PARS2: variants seen among roughly 807,000 people sequenced by gnomAD.
PARS2 encodes probable proline--tRNA ligase, mitochondrial.
Under a neutral mutation model 27.4 loss-of-function variants are expected in PARS2, and 20 were observed. The observed-to-expected ratio is 0.73, with a 90% confidence interval of 0.51 to 1.06. PARS2 has a LOEUF of 1.06. PARS2 is among the 50% of genes least tolerant of loss of function. The pLI, the probability that PARS2 is intolerant of heterozygous loss-of-function variation, is 0.00. For missense variants in PARS2, 585 were observed against 602.1 expected (o/e 0.97, Z 0.30); for synonymous variants, 240 against 247.1 (o/e 0.97, Z 0.27).
In PARS2 at chr1:54,759,118, G is replaced by A. The variant is rs1301002317; in HGVS notation, c.44C>T (p.Ala15Val). The A allele has an allele frequency of 6.2e-7, 1 of 1,610,034 alleles. No individual in the cohort carries two copies. Among genetic ancestry groups the A allele is most frequent in the Non-Finnish European group, 8.5e-7 (1 of 1,177,066 alleles). Residue 15 changes from alanine (A) to valine (V), a missense_variant, in exon 2 of 2, where the codon GCC becomes GTC. Transcript: ENST00000371279. Reference sequence around the variant, plus strand: ...CCCAGAGAGCTGGCGGCTGCAGGTGGCCAGGGCGGGCAATGCTCTGCATCT... The same window carrying A: ...CCCAGAGAGCTGGCGGCTGCAGGTGACCAGGGCGGGCAATGCTCTGCATCT... ...LTRCRALPAL[A>V]TCSRQLSGYV... is the part of the protein sequence containing the mutation.
chr1:54,764,439 G>A (rs1646174561), intron 1 of PARS2, 22 bp downstream of exon 1: 1 of 152,276 alleles, frequency 6.6e-6, no homozygotes, highest in African/African-American at 2.4e-5. Context: ...CTCAGGTCTG[G>A]GAGTCACCCA....
rs765151805 is a variant in PARS2 at position 54,758,990 on chromosome 1, A to G, written c.172T>C (p.Ser58Pro). Residue 58 changes from serine (S) to proline (P), a missense_variant, in exon 2 of 2, where the codon TCC becomes CCC. By Grantham distance (74) the Ser-to-Pro change is moderately conservative. Coordinates refer to ENST00000371279, the MANE Select transcript of PARS2 (RefSeq NM_152268.4). ...AGGTCATCAGATTTGTCCTGCAGGG[A>G]GAGCACCCGGTCTTCCCGAAGGTTC... is the stretch of plus-strand genomic sequence containing the variant. Reference protein sequence around the residue: ...PQNLREDRVLSLQDKSDDLTC... With the variant: ...PQNLREDRVLPLQDKSDDLTC... The G allele has an allele frequency of 6.2e-7, 1 of 1,614,168 alleles. No individual in the cohort carries two copies. The highest frequency in any genetic ancestry group is 1.1e-5 in the South Asian group (1 of 91,080).
chr1:54,759,606 T>C (rs1646142603), intron 1 of PARS2, among the ~76,000 whole-genome samples: 1 of 152,172 alleles, frequency 6.6e-6, no homozygotes, highest in Non-Finnish European at 1.5e-5. Flanking sequence ...TGTGGACACT[T>C]AGAAGAGTTA....
At chr1:54,759,390 C>T (rs1338255996) in intron 1 of PARS2, among the ~76,000 whole-genome samples, 200 bp from the exon 2 acceptor site, 1 of 152,194 alleles carries the variant, frequency 6.6e-6, no homozygotes, top group African/African-American at 2.4e-5. Flanking sequence ...TCAATATTTT[C>T]CTGATTATAA....
At position 54,757,925 on chromosome 1, in the gene PARS2, T is replaced by G; in HGVS notation, c.1237A>C (p.Arg413=). The G allele has an allele frequency of 6.2e-7, 1 of 1,614,184 alleles. No individual in the cohort carries two copies. The highest frequency in any genetic ancestry group is 1.6e-4 in the Middle Eastern group (1 of 6,062). The stretch of plus-strand genomic sequence containing the variant: ...CTGTTTCCGATGGTCAGATGGGTCC[T>G]GTCGTCCAGGAGCACCTCCCCGTGA... ...QLHGEVLLDD[R]THLTIGNRLK... is the part of the protein sequence containing the mutation. Residue 413 remains arginine (R), a synonymous_variant, in exon 2 of 2, where the codon AGG becomes CGG. Coordinates refer to ENST00000371279, the MANE Select transcript of PARS2 (RefSeq NM_152268.4).
In PARS2 at chr1:54,757,839, C is replaced by T. The variant is rs1557762189; in HGVS notation, c.1323G>A (p.Leu441=). Residue 441 remains leucine, a synonymous_variant, in exon 2 of 2, where the codon CTG becomes CTA. Transcript: ENST00000371279. ...PFVIIAGKRA[L]EDPAHFEVWC... is the part of the protein sequence containing the mutation. ...AAACCTCAAAATGTGCAGGGTCCTC[C>T]AGGGCCCTCTTGCCAGCGATTATCA... 6.2e-7 allele frequency: 1 copy of T among 1,614,132 alleles called. No homozygotes were observed. Among genetic ancestry groups the T allele is most frequent in the Non-Finnish European group, 8.5e-7 (1 of 1,179,962 alleles).
intron 1 of PARS2, among the ~76,000 whole-genome samples, chr1:54,760,842 G>A (rs946196989): frequency 4.6e-5 from 7 of 151,916 alleles, no homozygotes; most frequent in African/African-American, 1.4e-4. Flanking sequence ...GTAGTGGCGC[G>A]ATCTGGGCTC....
Position 54,759,133 on chromosome 1 carries a change from G to A in PARS2, c.29C>T (p.Ala10Val). 6 of 1,600,702 alleles carry A rather than the reference G, an allele frequency of 3.7e-6. No homozygotes were observed. Among genetic ancestry groups the A allele is most frequent in the Non-Finnish European group, 5.1e-6 (6 of 1,170,388 alleles). The change falls in exon 2 of 2, where the codon GCA becomes GTA. Residue 10 changes from alanine (A) to valine (V), a missense_variant. Transcript: ENST00000371279. MEGLLTRCR[A>V]LPALATCSRQ... ...GCTGCAGGTGGCCAGGGCGGGCAAT[G>A]CTCTGCATCTTGTCAGCAGCCCTTC...
intron 1 of PARS2, among the ~76,000 whole-genome samples, chr1:54,761,510 A>C (rs1379500168): frequency 6.6e-6 from 1 of 152,250 alleles, no homozygotes; most frequent in Non-Finnish European, 1.5e-5. Context: ...CAATGAAGAG[A>C]AGGCTTTTTT....
chr1:54,761,418 T>G (rs111325064), intron 1 of PARS2, among the ~76,000 whole-genome samples: 2,802 of 152,344 alleles, frequency 0.018, 41 homozygotes, highest in Non-Finnish European at 0.029. Flanking sequence ...TACAAAATAA[T>G]CACACATTTC....
chr1:54,758,227 T>C lies in PARS2; in HGVS notation c.935A>G (p.Tyr312Cys). Reference protein sequence around the residue: ...TKGIEVGHTFYLGTKYSSIFN... With the variant: ...TKGIEVGHTFCLGTKYSSIFN... Reference sequence around the variant, plus strand: ...AATGGATGAGTACTTGGTACCCAGGTAAAATGTGTGCCCCACCTCAATGCC... The same window carrying C: ...AATGGATGAGTACTTGGTACCCAGGCAAAATGTGTGCCCCACCTCAATGCC... Residue 312 changes from tyrosine (Y) to cysteine (C), a missense_variant, in exon 2 of 2, where the codon TAC (tyrosine) becomes TGC (cysteine). Transcript: ENST00000371279. The C allele has an allele frequency of 8.7e-6, 14 of 1,614,194 alleles. No individual in the cohort carries two copies. Among genetic ancestry groups the C allele is most frequent in the Non-Finnish European group, 1.2e-5 (14 of 1,180,020 alleles).
At chr1:54,759,833 C>G (rs1646144147) in intron 1 of PARS2, among the ~76,000 whole-genome samples, 1 of 152,026 alleles carries the variant, frequency 6.6e-6, no homozygotes, top group Admixed American at 6.6e-5. Flanking sequence ...TGGCGAAACC[C>G]TGTCTCTACT....
Position 54,763,885 on chromosome 1 carries a change from C to CTAT in PARS2, c.-30+573_-30+575dup, listed in dbSNP as rs768563279. 4.3e-4 allele frequency among the ~76,000 whole-genome samples: 66 copies of CTAT among 151,954 alleles called. No individual in the cohort carries two copies. The East Asian group carries it at 7.5e-3, about 17-fold the overall frequency. ...ACATAATATTAAGTCTCACAAAGTGCTATTATTATTATTATTATGCCCAAC... is the reference window on the plus strand; with the variant it reads ...ACATAATATTAAGTCTCACAAAGTGCTATTATTATTATTATTATTATGCCCAAC... On this transcript the variant is annotated intron_variant, in intron 1 of 1. Coordinates refer to ENST00000371279, the MANE Select transcript of PARS2 (RefSeq NM_152268.4).
chr1:54,760,346 C>T (rs1048344674), intron 1 of PARS2, among the ~76,000 whole-genome samples: 3 of 152,188 alleles, frequency 2.0e-5, no homozygotes, highest in African/African-American at 7.2e-5. Flanking sequence ...GTGAATAGCA[C>T]CAAAAGTTGC....
At position 54,758,057 on chromosome 1, in the gene PARS2, G is replaced by C; in HGVS notation, c.1105C>G (p.Pro369Ala). 6.2e-7 allele frequency: 1 copy of C among 1,613,930 alleles called. No homozygotes were observed. The highest frequency in any genetic ancestry group is 1.3e-5 in the African/African-American group (1 of 75,036). Residue 369 changes from proline (P) to alanine (A), a missense_variant, in exon 2 of 2, where the codon CCT becomes GCT. Physicochemically the swap from Pro to Ala is conservative, Grantham distance 27. Coordinates refer to ENST00000371279, the MANE Select transcript of PARS2 (RefSeq NM_152268.4). ...DCVRWPSLLA[P>A]YQACLIPPKK... ...GGGGGGATGAGGCAGGCTTGGTAAG[G>C]GGCCAGTAGGCTGGGCCAGCGGACA...
At position 54,757,789 on chromosome 1, in the gene PARS2, G is replaced by T. The variant is rs770323851; in HGVS notation, c.1373C>A (p.Ala458Asp). The change falls in exon 2 of 2, where the codon GCC becomes GAC. Residue 458 changes from alanine to aspartate, a missense_variant. Physicochemically the swap from Ala to Asp is moderately radical, Grantham distance 126. Coordinates refer to ENST00000371279, the MANE Select transcript of PARS2 (RefSeq NM_152268.4). ...CATGACTCCATCTTTGGTGAGGAAG[G>T]CCACCTCACCAGTGTTCTGACACCA... is the stretch of plus-strand genomic sequence containing the variant. ...EVWCQNTGEV[A>D]FLTKDGVMDL... The T allele has an allele frequency of 2.8e-5, 45 of 1,613,850 alleles. No homozygotes were observed. Among genetic ancestry groups the T allele is most frequent in the Non-Finnish European group, 3.5e-5 (41 of 1,179,932 alleles).
chr1:54,762,756 G>A (rs1646164556), intron 1 of PARS2, among the ~76,000 whole-genome samples: 1 of 152,142 alleles, frequency 6.6e-6, no homozygotes, highest in South Asian at 2.1e-4. Context: ...TAGAGATGGA[G>A]TCTTGCTATG....
chr1:54,758,538 A>C lies in PARS2; in HGVS notation c.624T>G (p.Asp208Glu). 2 of 1,614,180 alleles carry C rather than the reference A, an allele frequency of 1.2e-6. No homozygotes were observed. The highest frequency in any genetic ancestry group is 1.7e-6 in the Non-Finnish European group (2 of 1,180,022). Residue 208 changes from aspartate (D) to glutamate (E), a missense_variant, in exon 2 of 2, where the codon GAT becomes GAG. Asp to Glu is a conservative substitution (Grantham distance 45). Transcript: ENST00000371279. ...LLRGREFYMK[D>E]MYTFDSSPEA... ...CTGGGGAGGAGTCAAAGGTGTACAT[A>C]TCCTTCATGTAAAACTCTCGGCCAC...
chr1:54,762,435 C>T (rs534929202), intron 1 of PARS2, among the ~76,000 whole-genome samples: 9 of 152,302 alleles, frequency 5.9e-5, no homozygotes, highest in Admixed American at 4.6e-4. Context: ...CCACCATGCC[C>T]GGTTGGGTTT....
Sources: gnomAD v4.1 joint callset for allele counts (sites outside exome capture counted in the v4.1 genomes callset) on GRCh38, gnomAD v4.1.1 for gene constraint, MANE v1.5 for transcripts, NCBI Gene and HGNC (gene_info 2026-07-23, HGNC 2026-07-21) for gene names.